The following KPNA6 variants were observed in gnomAD, a reference collection of about 807,000 sequenced individuals.
KPNA6 encodes karyopherin subunit alpha 6, also known as importin subunit alpha-7.
Under a neutral mutation model 72.0 loss-of-function variants are expected in KPNA6, and 9 were observed. The observed-to-expected ratio is 0.13, with a 90% CI of 0.08 to 0.22. The LOEUF (loss-of-function observed/expected upper bound fraction) is 0.22. Among genes scored for constraint, KPNA6 ranks in the 10% least tolerant of loss-of-function variants. The pLI is 1.00. For missense variants in KPNA6, 374 were observed against 655.7 expected (o/e 0.57, Z 4.69); for synonymous variants, 219 against 242.1 (o/e 0.90, Z 0.89).
At chr1:32,120,410 A>G (rs1210021955) in intron 1 of KPNA6, among the ~76,000 whole-genome samples, 2 of 150,052 alleles carry the variant, frequency 1.3e-5, no homozygotes, top group African/African-American at 2.5e-5. Flanking sequence ...ATGCCTCCCT[A>G]ACTTTTTTTG....
chr1:32,165,069 T>C (rs1642308286), intron 10 of KPNA6, among the ~76,000 whole-genome samples: 1 of 151,870 alleles, frequency 6.6e-6, no homozygotes, highest in African/African-American at 2.4e-5. Flanking sequence ...TAGCTAATTT[T>C]TTGAATTTGT....
At chr1:32,145,681 T>A (rs1246157362) in intron 1 of KPNA6, among the ~76,000 whole-genome samples, 1 of 152,206 alleles carries the variant, frequency 6.6e-6, no homozygotes, top group Admixed American at 6.5e-5. Flanking sequence ...ATGAAATATT[T>A]ATTTCTCCAC....
At position 32,171,066 on chromosome 1, in the gene KPNA6, G is replaced by A; in HGVS notation, c.*172G>A. 2 of 611,220 alleles carry A rather than the reference G, an allele frequency of 3.3e-6. No homozygotes were observed. Among genetic ancestry groups the A allele is most frequent in the Non-Finnish European group, 5.7e-6 (2 of 348,068 alleles). 37.9% of individuals were successfully genotyped at this position (611,220 alleles called of 1,614,324 possible). ...CCCTTCCCTGGAGGGAGCACCCTCT[G>A]GACAGACAGAACCATCTGAGGCTCA... On this transcript the variant is annotated 3_prime_UTR_variant, in exon 14 of 14. Coordinates refer to ENST00000373625, the MANE Select transcript of KPNA6 (RefSeq NM_012316.5).
At position 32,156,939 on chromosome 1, in the gene KPNA6, C is replaced by T. The variant is rs200884793; in HGVS notation, c.225C>T (p.Thr75=). 5 of 1,612,918 alleles carry T rather than the reference C, an allele frequency of 3.1e-6. No individual in the cohort carries two copies. The African/African-American group carries it at 5.3e-5, about 17-fold the overall frequency. The change falls in exon 3 of 14, where the codon ACC becomes ACT. Residue 75 remains threonine (T), a synonymous_variant. Transcript: ENST00000373625. ...TCATGGACTCTTATGTGAGCTCTAC[C>T]ACTGGGGTAAGGCCCCTGCATGTGC... ...SLLMDSYVSS[T]TGESVITREM...
At chr1:32,120,553 AT>A (rs1436157509) in intron 1 of KPNA6, among the ~76,000 whole-genome samples, 1 of 149,766 alleles carries the variant, frequency 6.7e-6, no homozygotes, top group Non-Finnish European at 1.5e-5. Flanking sequence ...CAGCCAATTA[AT>A]TTTTTTAATT....
At chr1:32,169,608 G>A (rs1298355297) in intron 12 of KPNA6, among the ~76,000 whole-genome samples, 1 of 146,916 alleles carries the variant, frequency 6.8e-6, no homozygotes, top group African/African-American at 2.5e-5. Context: ...CACCACACCT[G>A]GCCAATTTTT....
chr1:32,130,101 T>C (rs1347809288), intron 1 of KPNA6, among the ~76,000 whole-genome samples: 2 of 152,170 alleles, frequency 1.3e-5, no homozygotes, highest in Non-Finnish European at 2.9e-5. Context: ...CAATTATCAG[T>C]CAAATATGAA....
At chr1:32,121,970 C>G (rs776990465) in intron 1 of KPNA6, among the ~76,000 whole-genome samples, 2 of 150,124 alleles carry the variant, frequency 1.3e-5, no homozygotes, top group Non-Finnish European at 1.5e-5. Context: ...GACACTCCGA[C>G]TCAAACAAAA....
At chr1:32,121,779 C>T (rs939498021) in intron 1 of KPNA6, among the ~76,000 whole-genome samples, 1 of 152,010 alleles carries the variant, frequency 6.6e-6, no homozygotes, top group African/African-American at 2.4e-5. Context: ...TCGAGATCAG[C>T]CTGGCCAACA....
chr1:32,125,037 G>A (rs74457750), intron 1 of KPNA6, among the ~76,000 whole-genome samples: 2,381 of 151,196 alleles, frequency 0.016, 51 homozygotes, highest in African/African-American at 0.054. Flanking sequence ...TGGAGATGGT[G>A]TTCCACCGTG....
In KPNA6 at chr1:32,163,240, A is replaced by G. The variant is rs1389342991; in HGVS notation, c.917A>G (p.Asn306Ser). Residue 306 changes from asparagine to serine, a missense_variant, in exon 10 of 14, where the codon AAT becomes AGT. Asn to Ser is a conservative substitution (Grantham distance 46, BLOSUM62 1). Coordinates refer to ENST00000373625, the MANE Select transcript of KPNA6 (RefSeq NM_012316.5). ...CAGATCTCCCTCCTCTGTAGGCACAATGATTACAAAGTGGCTTCTCCTGCC... is the reference window on the plus strand; with the variant it reads ...CAGATCTCCCTCCTCTGTAGGCACAGTGATTACAAAGTGGCTTCTCCTGCC... ...CRRLVELLMH[N>S]DYKVASPALR... 1 of 1,611,960 alleles carries G rather than the reference A, an allele frequency of 6.2e-7. No individual in the cohort carries two copies.
At chr1:32,166,620 G>A (rs1642343589) in intron 11 of KPNA6, among the ~76,000 whole-genome samples, 3 of 90,100 alleles carry the variant, frequency 3.3e-5, no homozygotes, top group South Asian at 4.0e-4. Flanking sequence ...GCGAGACTCC[G>A]TCTCAAAAAA....
chr1:32,168,636 AG>A (rs1642380088), intron 12 of KPNA6, among the ~76,000 whole-genome samples: 1 of 152,238 alleles, frequency 6.6e-6, no homozygotes, highest in South Asian at 2.1e-4. Context: ...TGTTGAGTTA[AG>A]CTTTGAAGGA....
In KPNA6 at chr1:32,160,716, A is replaced by T. The variant is rs937251273; in HGVS notation, c.647+13A>T. 1.9e-6 allele frequency: 3 copies of T among 1,603,536 alleles called. No homozygotes were observed. In the African/African-American group the frequency reaches 4.0e-5, roughly 21 times the overall value. On this transcript the variant is annotated intron_variant, in intron 7 of 13. Transcript: ENST00000373625. ...ATCCTTTGTTAACGTGAGTAATTATAATCATCTGTACCTGGGCGTCTACTG... is the reference window on the plus strand; with the variant it reads ...ATCCTTTGTTAACGTGAGTAATTATTATCATCTGTACCTGGGCGTCTACTG...
At chr1:32,118,444 A>G (rs1218113727) in intron 1 of KPNA6, among the ~76,000 whole-genome samples, 1 of 149,370 alleles carries the variant, frequency 6.7e-6, no homozygotes, top group Non-Finnish European at 1.5e-5. Flanking sequence ...GTTTTATTCC[A>G]TGTTATTAGT....
chr1:32,117,527 C>T (rs903710676), intron 1 of KPNA6, among the ~76,000 whole-genome samples: 14 of 151,316 alleles, frequency 9.3e-5, no homozygotes, highest in African/African-American at 2.9e-4. Context: ...TGCTGGCTGA[C>T]GCCTATAATC....
At chr1:32,165,370 C>A (rs1031559821) in intron 10 of KPNA6, among the ~76,000 whole-genome samples, 3 of 151,998 alleles carry the variant, frequency 2.0e-5, no homozygotes, top group African/African-American at 7.2e-5. Flanking sequence ...TCTTGATGCA[C>A]AACAGTTTTT....
Position 32,170,144 on chromosome 1 carries a change from G to A in KPNA6, c.1423+84G>A, listed in dbSNP as rs879152785. The A allele has an allele frequency of 3.9e-5, 51 of 1,301,724 alleles. 1 individual carries two copies. The African/African-American group carries it at 6.3e-4, about 16-fold the overall frequency. The allele number at this position is 1,301,724 out of a possible 1,614,324, so 80.6% of individuals were successfully genotyped here. On this transcript the variant is annotated intron_variant, in intron 13 of 13. Coordinates refer to ENST00000373625, the MANE Select transcript of KPNA6 (RefSeq NM_012316.5). ...ATACATATGTTGGTGGTGGCGGAGTGTGGGTTGGGAAGCATCCATAGCTTC... is the reference window on the plus strand; with the variant it reads ...ATACATATGTTGGTGGTGGCGGAGTATGGGTTGGGAAGCATCCATAGCTTC...
chr1:32,142,722 G>A (rs1376796458), intron 1 of KPNA6, among the ~76,000 whole-genome samples: 1 of 152,148 alleles, frequency 6.6e-6, no homozygotes, highest in Non-Finnish European at 1.5e-5. Context: ...AAGTTTATTT[G>A]TATTGTGAAT....
Sources: gnomAD v4.1 joint callset for allele counts (sites outside exome capture counted in the v4.1 genomes callset) on GRCh38, gnomAD v4.1.1 for gene constraint, MANE v1.5 for transcripts, NCBI Gene and HGNC (gene_info 2026-07-23, HGNC 2026-07-21) for gene names.